The following NXPE3 variants were observed in gnomAD, a reference collection of about 807,000 sequenced individuals.
NXPE3 encodes the protein neurexophilin and PC-esterase domain family member 3.
Under a neutral mutation model 46.1 loss-of-function variants are expected in NXPE3, and 26 were observed. That is an observed-to-expected ratio of 0.56 (90% CI 0.41 to 0.78). The LOEUF (loss-of-function observed/expected upper bound fraction) is 0.78, where lower values mean the gene tolerates loss of function less well. Ranked by LOEUF, NXPE3 falls within the 30% of genes least tolerant of loss-of-function variation. The pLI is 0.00. For synonymous variants in NXPE3, 272 were observed against 257.9 expected, an observed-to-expected ratio of 1.05 and a Z score of -0.52; for missense variants, 620 against 686.0, an observed-to-expected ratio of 0.90 and a Z score of 1.07.
Position 101,827,985 on chromosome 3 carries a change from C to T in NXPE3, c.*6031C>T, listed in dbSNP as rs779456694. On this transcript the variant is annotated 3_prime_UTR_variant, in exon 8 of 8. Transcript: ENST00000273347. Reference sequence around the variant, plus strand: ...CTATAAAGGGCGCCAGTGAGAGGGGCTGGCCTCCTCTTGCCACGAGGTCAG... The same window carrying T: ...CTATAAAGGGCGCCAGTGAGAGGGGTTGGCCTCCTCTTGCCACGAGGTCAG... 1 of 152,220 alleles carries T rather than the reference C, an allele frequency of 6.6e-6. No individual in the cohort carries two copies. The highest frequency in any genetic ancestry group is 1.5e-5 in the Non-Finnish European group (1 of 68,058). 9.4% of individuals were successfully genotyped at this position (152,220 alleles called of 1,614,324 possible).
chr3:101,792,766 G>A (rs1200708614), intron 4 of NXPE3, among the ~76,000 whole-genome samples: 1 of 152,128 alleles, frequency 6.6e-6, no homozygotes, highest in East Asian at 1.9e-4. Flanking sequence ...GGTTGCATAT[G>A]AATTTTAAAA....
intron 5 of NXPE3, among the ~76,000 whole-genome samples, chr3:101,803,761 A>G (rs889684648): frequency 6.6e-5 from 10 of 152,192 alleles, no homozygotes; most frequent in African/African-American, 2.2e-4. Context: ...TTCGGACTAC[A>G]GGTGTGCGCC....
chr3:101,816,027 G>C lies in NXPE3; in HGVS notation c.923-768G>C, dbSNP rs540884139. ...AAAAAAGCAAAACTTAGCCAGGCAT[G>C]GTAATGCGTGCCTGTAATCCCAGTT... On this transcript the variant is annotated intron_variant, in intron 6 of 7. Coordinates refer to ENST00000273347, the MANE Select transcript of NXPE3 (RefSeq NM_145037.4). Among the ~76,000 whole-genome samples the C allele has an allele frequency of 2.6e-5, 4 of 151,622 alleles. No individual in the cohort carries two copies. In the South Asian group the frequency reaches 8.3e-4, roughly 32 times the overall value.
chr3:101,795,246 A>T (rs1413896448), intron 4 of NXPE3, among the ~76,000 whole-genome samples: 1 of 152,192 alleles, frequency 6.6e-6, no homozygotes, highest in Non-Finnish European at 1.5e-5. Flanking sequence ...AGCTGGGCAC[A>T]ATGGCTCATG....
At chr3:101,788,067 G>A (rs1423700123) in intron 4 of NXPE3, among the ~76,000 whole-genome samples, 2 of 152,030 alleles carry the variant, frequency 1.3e-5, no homozygotes, top group South Asian at 2.1e-4. Context: ...ATTTTGTTTT[G>A]TTTTTTTGAT....
chr3:101,817,163 G>C (rs894650529), intron 7 of NXPE3, among the ~76,000 whole-genome samples, 162 bp downstream of exon 7: 1 of 152,188 alleles, frequency 6.6e-6, no homozygotes, highest in Non-Finnish European at 1.5e-5. Flanking sequence ...GACAGTTTCT[G>C]ATCAATAGCT....
intron 4 of NXPE3, among the ~76,000 whole-genome samples, chr3:101,796,226 G>T (rs1276145755): frequency 6.6e-6 from 1 of 152,186 alleles, no homozygotes; most frequent in Non-Finnish European, 1.5e-5. Context: ...ACTAGGCCAG[G>T]AGTGAAATGG....
At chr3:101,818,741 ATATATATATATATTTTTTTTTTTTT>A (rs1289872730) in intron 7 of NXPE3, among the ~76,000 whole-genome samples, 6 of 28,402 alleles carry the variant, frequency 2.1e-4, no homozygotes, top group African/African-American at 8.2e-4. Context: ...ATATATATAT[ATATATATATATATTTTTTTTTTTTT>A]TTTTTTTTTT....
intron 4 of NXPE3, among the ~76,000 whole-genome samples, chr3:101,793,332 G>T (rs1471211739): frequency 6.6e-6 from 1 of 152,076 alleles, no homozygotes; most frequent in Admixed American, 6.5e-5. Flanking sequence ...TGCTTTTCTT[G>T]TGCTGGTTTT....
intron 6 of NXPE3, among the ~76,000 whole-genome samples, chr3:101,810,346 A>C (rs539736231): frequency 2.0e-5 from 3 of 152,332 alleles, no homozygotes; most frequent in African/African-American, 7.2e-5. Flanking sequence ...TAATAGCAAC[A>C]GTATAGATAA....
chr3:101,783,839 A>T (rs1939983290), intron 3 of NXPE3, among the ~76,000 whole-genome samples: 1 of 152,168 alleles, frequency 6.6e-6, no homozygotes, highest in Non-Finnish European at 1.5e-5. Flanking sequence ...TGACAGAGTT[A>T]TCCTCTATTT....
intron 6 of NXPE3, among the ~76,000 whole-genome samples, chr3:101,808,818 G>GATATATATATATATATATATATATAT (rs58006464): frequency 6.5e-5 from 2 of 30,810 alleles, no homozygotes; most frequent in Non-Finnish European, 1.2e-4. Flanking sequence ...AATTTTAGAG[G>GATATATATATATATATATATATATAT]ATATATATAT....
At chr3:101,802,930 A>G (rs868338679) in intron 5 of NXPE3, among the ~76,000 whole-genome samples, 1 of 152,134 alleles carries the variant, frequency 6.6e-6, no homozygotes, top group African/African-American at 2.4e-5. Context: ...TAGTCCCAGC[A>G]CTTTGGGAGG....
chr3:101,787,542 G>A (rs887359664), intron 4 of NXPE3, among the ~76,000 whole-genome samples: 1 of 152,210 alleles, frequency 6.6e-6, no homozygotes, highest in Non-Finnish European at 1.5e-5. Context: ...CTGACCTCAA[G>A]CGATCCTCCC....
In NXPE3 at chr3:101,826,945, A is replaced by T. The variant is rs962380727; in HGVS notation, c.*4991A>T. ...CTACTCAGGAGGCTGAGGTGGGAGAATCGCTTGAACCCGGGAGGTGGAGGT... is the reference window on the plus strand; with the variant it reads ...CTACTCAGGAGGCTGAGGTGGGAGATTCGCTTGAACCCGGGAGGTGGAGGT... On this transcript the variant is annotated 3_prime_UTR_variant, in exon 8 of 8. Coordinates refer to ENST00000273347, the MANE Select transcript of NXPE3 (RefSeq NM_145037.4). 4 of 152,312 alleles carry T rather than the reference A, an allele frequency of 2.6e-5. No homozygotes were observed. Among genetic ancestry groups the T allele is most frequent in the African/African-American group, 9.7e-5 (4 of 41,430 alleles). 9.4% of individuals were successfully genotyped at this position (152,312 alleles called of 1,614,324 possible). A position where few individuals can be genotyped will look rare whatever the true frequency, so the allele number is the denominator to read the frequency against.
Position 101,822,793 on chromosome 3 carries a change from C to T in NXPE3, c.*839C>T, listed in dbSNP as rs542482984. The T allele has an allele frequency of 8.7e-5, 13 of 150,138 alleles. No homozygotes were observed. The highest frequency in any genetic ancestry group is 3.3e-4 in the Admixed American group (5 of 15,112). The allele number at this position is 150,138 out of a possible 1,614,324, so 9.3% of individuals were successfully genotyped here. A position where few individuals can be genotyped will look rare whatever the true frequency, so the allele number is the denominator to read the frequency against. ...ATTGACTTTTGTGTAAAGAATGCTA[C>T]GATATTATAAAGCTGTGGAAGTTTT... On this transcript the variant is annotated 3_prime_UTR_variant, in exon 8 of 8. Transcript: ENST00000273347.
intron 6 of NXPE3, among the ~76,000 whole-genome samples, chr3:101,810,097 A>G (rs1941641777): frequency 2.0e-5 from 3 of 152,236 alleles, no homozygotes; most frequent in African/African-American, 4.8e-5. Flanking sequence ...ATTCCAGTCA[A>G]AAGCAAGGAA....
chr3:101,785,674 T>C lies in NXPE3; in HGVS notation c.78T>C (p.Asn26=), dbSNP rs1215144972. 1.2e-6 allele frequency: 2 copies of C among 1,613,346 alleles called. No individual in the cohort carries two copies. Among genetic ancestry groups the C allele is most frequent in the Non-Finnish European group, 1.7e-6 (2 of 1,179,734 alleles). ...TGATGGTGGTGGTGCTGGTCATCAA[T>C]GTTACTCAGGTAGAGGTGAGTACCC... ...AVLMVVVLVI[N]VTQVEYLDHE... is the part of the protein sequence containing the mutation. The change falls in exon 4 of 8, where the codon AAT becomes AAC. Residue 26 remains asparagine (N), a synonymous_variant. Transcript: ENST00000273347.
intron 4 of NXPE3, among the ~76,000 whole-genome samples, chr3:101,793,991 A>G (rs944271186): frequency 4.1e-4 from 63 of 151,866 alleles, no homozygotes; most frequent in African/African-American, 1.5e-3. Context: ...AACTCTCTCA[A>G]GACACTAAGC....
Sources: gnomAD v4.1 joint callset for allele counts (sites outside exome capture counted in the v4.1 genomes callset) on GRCh38, gnomAD v4.1.1 for gene constraint, MANE v1.5 for transcripts, NCBI Gene and HGNC (gene_info 2026-07-23, HGNC 2026-07-21) for gene names.